Variants in GPC6 observed in about 807,000 individuals in gnomAD.
GPC6 encodes the protein glypican-6.
Under a neutral mutation model 55.2 loss-of-function variants are expected in GPC6, and 14 were observed. That is an observed-to-expected ratio of 0.25 (90% CI 0.17 to 0.40). GPC6 has a LOEUF of 0.40. GPC6 is among the 10% of genes least tolerant of loss of function. The probability of loss-of-function intolerance (pLI) is 1.00; values close to 1 mark genes in which losing one functional copy is unlikely to be tolerated. For synonymous variants in GPC6, 278 were observed against 259.6 expected (o/e 1.07, Z -0.68); for missense variants, 641 against 708.5 (o/e 0.90, Z 1.08).
At chr13:93,421,174 G>T (rs1173890335) in intron 1 of GPC6, among the ~76,000 whole-genome samples, 1 of 152,064 alleles carries the variant, frequency 6.6e-6, no homozygotes, top group African/African-American at 2.4e-5. Context: ...CTGTGAGACT[G>T]TTGGGCAAAT....
At chr13:93,718,131 T>C (rs1361543952) in intron 2 of GPC6, among the ~76,000 whole-genome samples, 2 of 151,946 alleles carry the variant, frequency 1.3e-5, no homozygotes, top group African/African-American at 4.8e-5. Flanking sequence ...TACCCACTAA[T>C]GGAATTGCTG....
intron 6 of GPC6, among the ~76,000 whole-genome samples, chr13:94,365,361 C>T (rs529913326): frequency 6.6e-6 from 1 of 152,076 alleles, no homozygotes; most frequent in Non-Finnish European, 1.5e-5. Flanking sequence ...CCTAGAATTC[C>T]CTTAGGCTAA....
chr13:94,394,641 A>G (rs1161371751), intron 7 of GPC6, among the ~76,000 whole-genome samples: 1 of 152,184 alleles, frequency 6.6e-6, no homozygotes, highest in Non-Finnish European at 1.5e-5. Flanking sequence ...GGGTCGCACA[A>G]TGGACATCTA....
At chr13:93,570,547 CAA>C (rs1411906692) in intron 2 of GPC6, among the ~76,000 whole-genome samples, 5 of 152,032 alleles carry the variant, frequency 3.3e-5, no homozygotes, top group Non-Finnish European at 5.9e-5. Context: ...AGATGAGAGA[CAA>C]AGAGAGCATA....
At chr13:94,066,253 T>TAA (rs1386600271) in intron 4 of GPC6, among the ~76,000 whole-genome samples, 2 of 152,194 alleles carry the variant, frequency 1.3e-5, no homozygotes, top group African/African-American at 4.8e-5. Context: ...ACAGCCTTAT[T>TAA]ATCCAATTAT....
At chr13:93,800,165 C>T (rs769804706) in intron 2 of GPC6, among the ~76,000 whole-genome samples, 18 of 152,154 alleles carry the variant, frequency 1.2e-4, no homozygotes, top group Non-Finnish European at 2.6e-4. Flanking sequence ...CTCAAGAGTA[C>T]ATAACAACTA....
intron 2 of GPC6, among the ~76,000 whole-genome samples, chr13:93,565,558 T>A (rs1876058007): frequency 6.6e-6 from 1 of 152,166 alleles, no homozygotes; most frequent in Non-Finnish European, 1.5e-5. Context: ...CAATTGGGCT[T>A]TGAAAAAGTG....
chr13:94,170,768 GC>G (rs1392644477), intron 4 of GPC6, among the ~76,000 whole-genome samples: 1 of 152,188 alleles, frequency 6.6e-6, no homozygotes, highest in African/African-American at 2.4e-5. Context: ...AATTGAATTT[GC>G]TTAGGTAGAT....
intron 3 of GPC6, among the ~76,000 whole-genome samples, chr13:93,972,510 C>T (rs1880329060): frequency 6.6e-6 from 1 of 152,136 alleles, no homozygotes; most frequent in Non-Finnish European, 1.5e-5. Context: ...CCCCCACTCC[C>T]ACCATGTAGA....
intron 6 of GPC6, among the ~76,000 whole-genome samples, chr13:94,382,101 C>T (rs7991005): frequency 6.6e-6 from 1 of 151,966 alleles, no homozygotes; most frequent in African/African-American, 2.4e-5. Flanking sequence ...AATAGGGACT[C>T]TCAGCAGGAG....
chr13:93,774,144 A>G (rs1337576272), intron 2 of GPC6, among the ~76,000 whole-genome samples: 1 of 152,218 alleles, frequency 6.6e-6, no homozygotes, highest in Non-Finnish European at 1.5e-5. Flanking sequence ...AGACTGTTCC[A>G]GATATGTATA....
chr13:93,877,843 C>T (rs891249448), intron 3 of GPC6, among the ~76,000 whole-genome samples: 2 of 152,004 alleles, frequency 1.3e-5, no homozygotes, highest in Admixed American at 6.6e-5. Context: ...TCGTTGATTA[C>T]ATTGGTGGAG....
At chr13:94,220,650 A>G (rs1328323889) in intron 4 of GPC6, among the ~76,000 whole-genome samples, 1 of 152,118 alleles carries the variant, frequency 6.6e-6, no homozygotes, top group Non-Finnish European at 1.5e-5. Context: ...CAACAAGGGC[A>G]TGCTCTCTCT....
At chr13:93,705,926 C>A (rs1024631816) in intron 2 of GPC6, among the ~76,000 whole-genome samples, 1 of 151,064 alleles carries the variant, frequency 6.6e-6, no homozygotes, top group East Asian at 2.0e-4. Context: ...TTATATAAAC[C>A]AATGAAACAT....
At chr13:93,823,441 C>T (rs1472533096) in intron 2 of GPC6, among the ~76,000 whole-genome samples, 1 of 151,954 alleles carries the variant, frequency 6.6e-6, no homozygotes, top group Non-Finnish European at 1.5e-5. Context: ...TGAGCCTCAG[C>T]TTTCCTATCT....
chr13:93,851,112 A>G (rs970549328), intron 3 of GPC6, among the ~76,000 whole-genome samples: 2 of 151,956 alleles, frequency 1.3e-5, no homozygotes, highest in Non-Finnish European at 2.9e-5. Flanking sequence ...TTTTATAATA[A>G]CAGGACTTTT....
At chr13:93,854,502 T>C (rs1888529213) in intron 3 of GPC6, among the ~76,000 whole-genome samples, 1 of 151,746 alleles carries the variant, frequency 6.6e-6, no homozygotes, top group African/African-American at 2.4e-5. Flanking sequence ...TCATTTGGAT[T>C]ATATTGTTAA....
intron 4 of GPC6, among the ~76,000 whole-genome samples, chr13:94,283,845 A>T (rs1188576614): frequency 6.6e-6 from 1 of 152,186 alleles, no homozygotes; most frequent in African/African-American, 2.4e-5. Context: ...TGTTCCCAAT[A>T]TTTCAAAATA....
chr13:93,694,224 T>C (rs1415211325), intron 2 of GPC6, among the ~76,000 whole-genome samples: 1 of 152,122 alleles, frequency 6.6e-6, no homozygotes, highest in African/African-American at 2.4e-5. Context: ...TACGGCACAA[T>C]GTTTCTCTTT....
Sources: allele counts gnomAD v4.1 joint callset (sites outside exome capture counted in the v4.1 genomes callset), GRCh38; gene constraint gnomAD v4.1.1; transcripts MANE v1.5; gene names NCBI Gene and HGNC (gene_info 2026-07-23, HGNC 2026-07-21).